SGCZ: variants seen among roughly 807,000 people sequenced by gnomAD.
The protein encoded by SGCZ is sarcoglycan zeta.
A neutral mutation model predicts 41.3 loss-of-function variants in SGCZ; 40 were observed. The observed-to-expected ratio is 0.97, with a 90% CI of 0.75 to 1.26. SGCZ has a LOEUF of 1.26. Ranked by LOEUF, SGCZ falls within the 50% of genes most tolerant of loss-of-function variation. The probability of loss-of-function intolerance (pLI) is 0.00; values close to 1 mark genes in which losing one functional copy is unlikely to be tolerated. For synonymous variants in SGCZ, 206 were observed against 137.5 expected (o/e 1.50, Z -3.49); for missense variants, 552 against 369.8 (o/e 1.49, Z -4.04).
chr8:15,063,678 C>A (rs1199218743), intron 1 of SGCZ, among the ~76,000 whole-genome samples: 1 of 151,962 alleles, frequency 6.6e-6, no homozygotes, highest in Non-Finnish European at 1.5e-5. Flanking sequence ...ATTTTTACAC[C>A]CATAGTGCTT....
intron 1 of SGCZ, among the ~76,000 whole-genome samples, chr8:14,826,382 C>A (rs540080085): frequency 3.3e-5 from 5 of 151,982 alleles, no homozygotes; most frequent in African/African-American, 1.2e-4. Context: ...TGAATAGTGC[C>A]GCAATAAACA....
intron 1 of SGCZ, among the ~76,000 whole-genome samples, chr8:15,150,948 T>C (rs1042604887): frequency 3.9e-5 from 6 of 152,220 alleles, no homozygotes; most frequent in African/African-American, 1.2e-4. Flanking sequence ...TAGTGTGGAC[T>C]TGACCTACTG....
intron 2 of SGCZ, among the ~76,000 whole-genome samples, chr8:14,491,457 G>A (rs1801840599): frequency 6.6e-6 from 1 of 152,146 alleles, no homozygotes; most frequent in Non-Finnish European, 1.5e-5. Context: ...CTAACTAGTG[G>A]TTGGACACTA....
intron 2 of SGCZ, among the ~76,000 whole-genome samples, chr8:14,377,788 T>A (rs2117180831): frequency 6.6e-6 from 1 of 152,036 alleles, no homozygotes; most frequent in African/African-American, 2.4e-5. Context: ...TGTTTGGTTT[T>A]TTGTTCTTGC....
At chr8:14,629,720 A>G (rs1806583699) in intron 1 of SGCZ, among the ~76,000 whole-genome samples, 1 of 131,460 alleles carries the variant, frequency 7.6e-6, no homozygotes, top group Non-Finnish European at 1.7e-5. Flanking sequence ...TCTATTTAGG[A>G]CTTTTTTAGG....
chr8:14,757,100 G>A (rs561458159), intron 1 of SGCZ, among the ~76,000 whole-genome samples: 1 of 152,200 alleles, frequency 6.6e-6, no homozygotes, highest in South Asian at 2.1e-4. Context: ...CTAGGCTGGA[G>A]TGCAATGGCA....
intron 2 of SGCZ, among the ~76,000 whole-genome samples, chr8:14,448,796 C>G (rs1800508219): frequency 6.6e-6 from 1 of 152,256 alleles, no homozygotes; most frequent in African/African-American, 2.4e-5. Flanking sequence ...TCTGCCCTAC[C>G]AGTCTTTCTG....
chr8:14,244,027 G>A (rs1798986896), intron 3 of SGCZ, among the ~76,000 whole-genome samples: 1 of 152,112 alleles, frequency 6.6e-6, no homozygotes, highest in African/African-American at 2.4e-5. Flanking sequence ...ATAAATGCAT[G>A]TTGAATGAAT....
At chr8:14,399,426 G>C (rs935317521) in intron 2 of SGCZ, among the ~76,000 whole-genome samples, 2 of 152,042 alleles carry the variant, frequency 1.3e-5, no homozygotes, top group African/African-American at 4.8e-5. Flanking sequence ...ACACTTGACA[G>C]GCTGGACTTC....
chr8:14,237,529 A>G (rs919056286), intron 4 of SGCZ, 63 bp downstream of exon 4: 1 of 1,470,962 alleles, frequency 6.8e-7, no homozygotes, highest in Non-Finnish European at 9.4e-7. Flanking sequence ...AGAACCAAAA[A>G]CCAAAAACAA....
At position 14,876,017 on chromosome 8, in the gene SGCZ, A is replaced by G. The variant is rs543748099; in HGVS notation, c.40-321091T>C. On this transcript the variant is annotated intron_variant, in intron 1 of 7. Transcript: ENST00000382080. ...CCATTTGGGAACTCTGGTAATTAACAAAAGCCACAGAACAAATGAAAATAT... is the reference window on the plus strand; with the variant it reads ...CCATTTGGGAACTCTGGTAATTAACGAAAGCCACAGAACAAATGAAAATAT... 8.5e-5 allele frequency among the ~76,000 whole-genome samples: 13 copies of G among 152,316 alleles called. No individual in the cohort carries two copies. In the South Asian group the frequency reaches 2.5e-3, roughly 29 times the overall value.
At chr8:14,217,560 C>T (rs1287350095) in intron 4 of SGCZ, among the ~76,000 whole-genome samples, 3 of 128,204 alleles carry the variant, frequency 2.3e-5, no homozygotes, top group Non-Finnish European at 5.3e-5. Context: ...ACCTCATAAA[C>T]AAAAAAAGCA....
At chr8:14,362,890 A>G (rs985397712) in intron 2 of SGCZ, among the ~76,000 whole-genome samples, 3 of 152,234 alleles carry the variant, frequency 2.0e-5, no homozygotes, top group African/African-American at 4.8e-5. Context: ...CAAATATAGT[A>G]TTATTGAGAG....
At chr8:14,634,883 C>T (rs1806776919) in intron 1 of SGCZ, among the ~76,000 whole-genome samples, 1 of 151,670 alleles carries the variant, frequency 6.6e-6, no homozygotes, top group Non-Finnish European at 1.5e-5. Context: ...GTATAGAGAC[C>T]ATCCAAGTAT....
At chr8:14,817,908 C>G (rs900534663) in intron 1 of SGCZ, among the ~76,000 whole-genome samples, 1 of 152,216 alleles carries the variant, frequency 6.6e-6, no homozygotes, top group African/African-American at 2.4e-5. Context: ...ACACTCACAC[C>G]TGGCTCAACA....
intron 1 of SGCZ, among the ~76,000 whole-genome samples, chr8:15,158,494 G>A (rs901760649): frequency 1.3e-5 from 2 of 152,150 alleles, no homozygotes; most frequent in Non-Finnish European, 2.9e-5. Flanking sequence ...AAGGTGCATA[G>A]TGTGATTTAA....
intron 2 of SGCZ, among the ~76,000 whole-genome samples, chr8:14,413,084 TA>T (rs1273276782): frequency 6.6e-6 from 1 of 151,998 alleles, no homozygotes; most frequent in Admixed American, 6.6e-5. Context: ...ATCAATGCAT[TA>T]AAAAAATTGA....
intron 1 of SGCZ, among the ~76,000 whole-genome samples, chr8:14,776,763 G>A (rs191557826): frequency 2.0e-5 from 3 of 152,132 alleles, no homozygotes; most frequent in Admixed American, 6.5e-5. Context: ...AAAGTGCTGG[G>A]ATTACAGGCG....
chr8:14,869,962 C>T (rs190425928), intron 1 of SGCZ, among the ~76,000 whole-genome samples: 312 of 152,284 alleles, frequency 2.0e-3, no homozygotes, highest in Non-Finnish European at 3.8e-3. Context: ...ATTCCATGCT[C>T]ATGGATAGGA....
Sources: allele counts gnomAD v4.1 joint callset (sites outside exome capture counted in the v4.1 genomes callset), GRCh38; gene constraint gnomAD v4.1.1; transcripts MANE v1.5; gene names NCBI Gene and HGNC (gene_info 2026-07-23, HGNC 2026-07-21).